MAF: variants seen among roughly 807,000 people sequenced by gnomAD.
MAF encodes the protein transcription factor Maf.
Under a neutral mutation model 22.0 loss-of-function variants are expected in MAF, and 10 were observed. That is an observed-to-expected ratio of 0.45 (90% CI 0.28 to 0.77). The LOEUF (loss-of-function observed/expected upper bound fraction) is 0.77. MAF is among the 30% of genes least tolerant of loss of function. The pLI is 0.12. For synonymous variants in MAF, 337 were observed against 255.8 expected (o/e 1.32, Z -3.03); for missense variants, 544 against 548.4 (o/e 0.99, Z 0.08).
At chr16:79,212,404 T>TA in the MAF span, 1 of 424,270 alleles carries the variant, frequency 2.4e-6, no homozygotes, top group Admixed American at 3.9e-5. Context: ...GTACTTGTCA[T>TA]AGACTCCTTT....
chr16:79,279,875 C>G, the MAF span, among the ~76,000 whole-genome samples: 1 of 152,160 alleles, frequency 6.6e-6, no homozygotes, highest in Non-Finnish European at 1.5e-5. Flanking sequence ...AAAGTCCAGC[C>G]TATTCTTCAT....
At chr16:79,437,148 G>C in the MAF span, among the ~76,000 whole-genome samples, 13 of 29,046 alleles carry the variant, frequency 4.5e-4, no homozygotes, top group Non-Finnish European at 1.2e-3. Flanking sequence ...CTCTCTCTCT[G>C]TGTGTGTGTG....
At chr16:79,217,589 C>T in the MAF span, among the ~76,000 whole-genome samples, 3 of 152,186 alleles carry the variant, frequency 2.0e-5, no homozygotes, top group African/African-American at 7.2e-5. Flanking sequence ...ATGGACTCAA[C>T]ATCCCGAGTT....
the MAF span, among the ~76,000 whole-genome samples, chr16:79,551,940 T>C: frequency 6.6e-6 from 1 of 152,062 alleles, no homozygotes; most frequent in Non-Finnish European, 1.5e-5. Context: ...GGGCCTGGCC[T>C]TACCTAATTC....
the MAF span, among the ~76,000 whole-genome samples, chr16:79,419,575 C>T: frequency 2.6e-5 from 4 of 152,210 alleles, no homozygotes; most frequent in Non-Finnish European, 5.9e-5. Context: ...GGATGTTCCA[C>T]CTCTTATCTT....
the MAF span, among the ~76,000 whole-genome samples, chr16:79,397,573 G>A: frequency 6.6e-6 from 1 of 152,160 alleles, no homozygotes; most frequent in African/African-American, 2.4e-5. Context: ...GCAAAGAAGT[G>A]TGTGATGATG....
chr16:79,539,016 A>C, the MAF span, among the ~76,000 whole-genome samples: 3 of 152,234 alleles, frequency 2.0e-5, no homozygotes, highest in Non-Finnish European at 4.4e-5. Context: ...GCCATAAATA[A>C]AAATACAGAA....
the MAF span, among the ~76,000 whole-genome samples, chr16:79,497,931 C>A: frequency 6.6e-6 from 1 of 152,190 alleles, no homozygotes; most frequent in Non-Finnish European, 1.5e-5. Flanking sequence ...AACCTCTCCT[C>A]TGAGCTCTCC....
At chr16:79,227,556 C>G in the MAF span, among the ~76,000 whole-genome samples, 3 of 152,120 alleles carry the variant, frequency 2.0e-5, no homozygotes, top group Admixed American at 1.3e-4. Context: ...CCTCAGTGCA[C>G]TCCTATTAAC....
the MAF span, among the ~76,000 whole-genome samples, chr16:79,351,376 T>A: frequency 6.6e-6 from 1 of 152,262 alleles, no homozygotes; most frequent in Admixed American, 6.5e-5. Flanking sequence ...CATCTGAACG[T>A]GGTCCTCCCA....
At chr16:79,505,909 C>G in the MAF span, among the ~76,000 whole-genome samples, 1 of 151,110 alleles carries the variant, frequency 6.6e-6, no homozygotes, top group Non-Finnish European at 1.5e-5. Flanking sequence ...TCTGCACACC[C>G]AACGCAAAGA....
the MAF span, among the ~76,000 whole-genome samples, chr16:79,538,823 C>T: frequency 1.4e-5 from 2 of 140,456 alleles, no homozygotes; most frequent in African/African-American, 5.5e-5. Flanking sequence ...ATGACTCTGT[C>T]TCGAAAGAAA....
the MAF span, among the ~76,000 whole-genome samples, chr16:79,378,763 T>C: frequency 6.6e-6 from 1 of 152,208 alleles, no homozygotes; most frequent in African/African-American, 2.4e-5. Flanking sequence ...TATATGCTAA[T>C]AATTTATCTC....
chr16:79,223,188 A>T, the MAF span, among the ~76,000 whole-genome samples: 1 of 152,238 alleles, frequency 6.6e-6, no homozygotes, highest in Admixed American at 6.5e-5. Flanking sequence ...GTGCAATCAT[A>T]TTAGAACTCA....
the MAF span, among the ~76,000 whole-genome samples, chr16:79,424,347 C>T: frequency 1.3e-5 from 2 of 152,160 alleles, no homozygotes; most frequent in East Asian, 3.9e-4. Context: ...TACCACCGGC[C>T]AGCTTGAGAA....
chr16:79,569,819 A>G, the MAF span, among the ~76,000 whole-genome samples: 10 of 152,204 alleles, frequency 6.6e-5, no homozygotes, highest in African/African-American at 2.2e-4. Context: ...AGGAACCACC[A>G]ACCTAGAGGG....
At chr16:79,310,116 C>T in the MAF span, among the ~76,000 whole-genome samples, 1 of 152,192 alleles carries the variant, frequency 6.6e-6, no homozygotes, top group Admixed American at 6.5e-5. Context: ...CCCCGATTTC[C>T]TTCCTTTAAT....
the MAF span, among the ~76,000 whole-genome samples, chr16:79,429,989 G>C: frequency 2.0e-5 from 3 of 152,254 alleles, no homozygotes; most frequent in East Asian, 3.9e-4. Flanking sequence ...AGATCCTACC[G>C]ACATCTTCTA....
At chr16:79,574,140 T>C in the MAF span, among the ~76,000 whole-genome samples, 4 of 152,212 alleles carry the variant, frequency 2.6e-5, no homozygotes, top group Admixed American at 2.6e-4. Flanking sequence ...CGTAATTGTC[T>C]TACAAGGCAG....
Sources: gnomAD v4.1 joint callset for allele counts (sites outside exome capture counted in the v4.1 genomes callset) on GRCh38, gnomAD v4.1.1 for gene constraint, MANE v1.5 for transcripts, NCBI Gene and HGNC (gene_info 2026-07-23, HGNC 2026-07-21) for gene names.